Variants in LTBP3 observed in about 807,000 individuals in gnomAD.
LTBP3 encodes the protein latent transforming growth factor beta binding protein 3, also known as latent-transforming growth factor beta-binding protein 3.
Under a neutral mutation model 159.7 loss-of-function variants are expected in LTBP3, and 97 were observed. The ratio of observed to expected loss-of-function variants is 0.61; its 90% CI spans 0.52 to 0.72. The LOEUF is 0.72. LTBP3 is among the 30% of genes least tolerant of loss of function. LTBP3 has a pLI of 0.00. For synonymous variants in LTBP3, 824 were observed against 777.1 expected (o/e 1.06, Z -1.00); for missense variants, 1,584 against 1,864.3 (o/e 0.85, Z 2.77).
Position 65,557,520 on chromosome 11 carries a change from G to A in LTBP3, c.331+109C>T, listed in dbSNP as rs887498199. The A allele has an allele frequency of 4.7e-6, 7 of 1,492,238 alleles. No individual in the cohort carries two copies. The Admixed American group carries it at 1.1e-4, about 23-fold the overall frequency. 92.4% of individuals were successfully genotyped at this position (1,492,238 alleles called of 1,614,324 possible). A position where few individuals can be genotyped will look rare whatever the true frequency, so the allele number is the denominator to read the frequency against. On this transcript the variant is annotated intron_variant, in intron 1 of 27. Transcript: ENST00000301873. ...TGGTCCCCCAGGCCCTCGGATCTCTGCCCTTTATACCCTCAGCCCCCAGTC... is the reference window on the plus strand; with the variant it reads ...TGGTCCCCCAGGCCCTCGGATCTCTACCCTTTATACCCTCAGCCCCCAGTC...
In LTBP3 at chr11:65,554,267, C is replaced by A; in HGVS notation, c.445G>T (p.Gly149Trp). 2 of 1,610,624 alleles carry A rather than the reference C, an allele frequency of 1.2e-6. No homozygotes were observed. Among genetic ancestry groups the A allele is most frequent in the Non-Finnish European group, 1.7e-6 (2 of 1,179,212 alleles). The part of the protein sequence containing the change: ...FCQVPAGGAG[G>W]GTGGSGPGLS... ...CCGGGGCCTGAGCCGCCGGTACCCC[C>A]ACCGGCTCCTCCTGCGGGCACCTGG... Residue 149 changes from glycine (G) to tryptophan (W), a missense_variant, in exon 2 of 28, where the codon GGG (glycine) becomes TGG (tryptophan). Gly to Trp is a radical substitution (Grantham distance 184). Transcript: ENST00000301873. The surrounding 1 kb of genome is among the most constrained non-coding windows in gnomAD (Gnocchi z 5.3).
chr11:65,548,112 G>A, intron 11 of LTBP3, 67 bp from the exon 12 acceptor site: 1 of 1,609,250 alleles, frequency 6.2e-7, no homozygotes, highest in Non-Finnish European at 8.5e-7. Flanking sequence ...CCCCAGGGCA[G>A]ACCTCAACAC....
At position 65,539,044 on chromosome 11, in the gene LTBP3, T is replaced by C; in HGVS notation, c.*36A>G. On this transcript the variant is annotated 3_prime_UTR_variant, in exon 28 of 28. Transcript: ENST00000301873. The stretch of plus-strand genomic sequence containing the variant: ...CGAGCTCGCGGAAATCCCTCAGTGA[T>C]CACCGAGGTCTGGGCCGAGGGCGGC... 2.2e-6 allele frequency: 3 copies of C among 1,340,672 alleles called. No homozygotes were observed. Among genetic ancestry groups the C allele is most frequent in the Admixed American group, 3.8e-5 (1 of 26,082 alleles). The allele number at this position is 1,340,672 out of a possible 1,614,324, so 83.0% of individuals were successfully genotyped here.
chr11:65,553,799 A>T lies in LTBP3; in HGVS notation c.766T>A (p.Ser256Thr). 1.9e-6 allele frequency: 3 copies of T among 1,561,802 alleles called. No homozygotes were observed. Among genetic ancestry groups the T allele is most frequent in the Non-Finnish European group, 2.6e-6 (3 of 1,162,092 alleles). The change falls in exon 3 of 28, where the codon TCC becomes ACC. Residue 256 changes from serine to threonine, a missense_variant. Physicochemically the swap from Ser to Thr is moderately conservative, Grantham distance 58. Around this residue, in one of 6 missense-constraint regions of LTBP3, gnomAD observed 194 missense variants for 198.7 expected, o/e 0.98. Transcript: ENST00000301873. The surrounding 1 kb of genome is among the most constrained non-coding windows in gnomAD (Gnocchi z 6.5). ...TTGGGGTGCGGCAGCAGGTGCTGGG[A>T]GGGGGCTGCGCTCTCGGCGTTCGAG... Reference protein sequence around the residue: ...ESSNAESAAPSQHLLPHPKPS... With the variant: ...ESSNAESAAPTQHLLPHPKPS...
intron 1 of LTBP3, among the ~76,000 whole-genome samples, chr11:65,556,845 C>T (rs879640288): frequency 6.6e-6 from 1 of 152,160 alleles, no homozygotes; most frequent in Non-Finnish European, 1.5e-5. Context: ...TGCTGGGACA[C>T]CTCCCCGAGC....
intron 16 of LTBP3, chr11:65,543,878 T>C (rs1039471853): frequency 2.6e-6 from 1 of 390,464 alleles, no homozygotes; most frequent in African/African-American, 2.1e-5. Context: ...CCTATCCTTG[T>C]TCTTCCCACT....
At position 65,546,508 on chromosome 11, in the gene LTBP3, G is replaced by A. The variant is rs377091192; in HGVS notation, c.2287C>T (p.Pro763Ser). Reference protein sequence around the residue: ...PCSPGWCENLPGSFRCTCAQG... With the variant: ...PCSPGWCENLSGSFRCTCAQG... ...GCACAGGTGCAGCGGAAGGAGCCCG[G>A]GAGGTTCTCGCACCAGCCAGGCGAG... is the stretch of plus-strand genomic sequence containing the variant. The change falls in exon 16 of 28, where the codon CCG becomes TCG. Residue 763 changes from proline (P) to serine (S), a missense_variant. By Grantham distance (74) the Pro-to-Ser change is moderately conservative. Coordinates refer to ENST00000301873, the MANE Select transcript of LTBP3 (RefSeq NM_001130144.3). This position sits in a 1 kb window ranked among gnomAD's most constrained non-coding sequence, Gnocchi z 4.0. The A allele has an allele frequency of 8.7e-6, 14 of 1,600,050 alleles. No homozygotes were observed. The highest frequency in any genetic ancestry group is 1.2e-5 in the Non-Finnish European group (14 of 1,179,160).
chr11:65,542,002 T>C (rs1310311780), intron 18 of LTBP3: 1 of 430,438 alleles, frequency 2.3e-6, no homozygotes, highest in Admixed American at 3.3e-5. Flanking sequence ...GAGCTTCCGA[T>C]ACCTTTAGGT....
Position 65,552,961 on chromosome 11 carries a change from G to T in LTBP3, c.1085C>A (p.Pro362Gln). Residue 362 changes from proline to glutamine, a missense_variant, in exon 6 of 28, where the codon CCG becomes CAG. By Grantham distance (76) the Pro-to-Gln change is moderately conservative. Transcript: ENST00000301873. The surrounding 1 kb of genome is among the most constrained non-coding windows in gnomAD (Gnocchi z 6.0). ...GCAGTCACCATGGCGACACACGCCC[G>T]GCATTGCGCACTCGTTGATGTCTGT... ...HCQDINECAM[P>Q]GVCRHGDCLN... 6.2e-7 allele frequency: 1 copy of T among 1,614,196 alleles called. No homozygotes were observed. Among genetic ancestry groups the T allele is most frequent in the Non-Finnish European group, 8.5e-7 (1 of 1,180,028 alleles).
intron 1 of LTBP3, among the ~76,000 whole-genome samples, chr11:65,555,927 G>T (rs1856794431): frequency 6.6e-6 from 1 of 152,200 alleles, no homozygotes; most frequent in South Asian, 2.1e-4. Flanking sequence ...AGCCCATCCT[G>T]CCTGGCCTCT....
At chr11:65,543,013 GTGGA>G (rs1253496244) in intron 18 of LTBP3, 88 bp downstream of exon 18, 24 of 1,523,354 alleles carry the variant, frequency 1.6e-5, no homozygotes, top group East Asian at 6.8e-5. Context: ...GGTTGGATGG[GTGGA>G]TGGATGGATG....
rs1386205469 is a variant in LTBP3 at position 65,539,212 on chromosome 11, C to T, written c.3780G>A (p.Glu1260=). 2.6e-6 allele frequency: 4 copies of T among 1,526,618 alleles called. No individual in the cohort carries two copies. In the Admixed American group the frequency reaches 8.0e-5, roughly 31 times the overall value. 94.6% of individuals were successfully genotyped at this position (1,526,618 alleles called of 1,614,324 possible). A position where few individuals can be genotyped will look rare whatever the true frequency, so the allele number is the denominator to read the frequency against. Residue 1260 remains glutamate (E), a synonymous_variant, in exon 28 of 28, where the codon GAG becomes GAA. Coordinates refer to ENST00000301873, the MANE Select transcript of LTBP3 (RefSeq NM_001130144.3). ...TGCACAGCAGCCCGCGCTGGTTCAG[C>T]TCTCGGCACTCGTCGATATCTGAAG... ...ARCVDIDECR[E]LNQRGLLCKS...
In LTBP3 at chr11:65,538,623, G is replaced by A. The variant is rs1855861326; in HGVS notation, c.*457C>T. The A allele has an allele frequency of 6.4e-7, 1 of 1,565,716 alleles. No individual in the cohort carries two copies. The highest frequency in any genetic ancestry group is 1.7e-4 in the Middle Eastern group (1 of 5,888). ...AGCCCGCCCCACAGATGTATTTATT[G>A]TACAAACCATGTGAGCCCGGCCGGC... On this transcript the variant is annotated 3_prime_UTR_variant, in exon 28 of 28. Transcript: ENST00000301873.
Position 65,541,191 on chromosome 11 carries a change from C to G in LTBP3, c.2828G>C (p.Cys943Ser), listed in dbSNP as rs1371355164. 1 of 1,613,700 alleles carries G rather than the reference C, an allele frequency of 6.2e-7. No individual in the cohort carries two copies. Among genetic ancestry groups the G allele is most frequent in the Non-Finnish European group, 8.5e-7 (1 of 1,180,024 alleles). Residue 943 changes from cysteine (C) to serine (S), a missense_variant, in exon 20 of 28, where the codon TGC becomes TCC. Physicochemically the swap from Cys to Ser is moderately radical, Grantham distance 112 (BLOSUM62 -1). Transcript: ENST00000301873. ...GCCCCAGCCGGCCCCCAGAGAGCAG[C>G]AGCACTCCTGCTGGGTCACGTTGGT... ...LATNVTQQEC[C>S]CSLGAGWGDH...
chr11:65,558,340 G>GC lies in LTBP3; in HGVS notation c.-382_-381insG, dbSNP rs1437017740. On this transcript the variant is annotated 5_prime_UTR_variant, in exon 1 of 28. Coordinates refer to ENST00000301873, the MANE Select transcript of LTBP3 (RefSeq NM_001130144.3). ...GCCGCGGGGAGGCAGGGAGCGCGCG[G>GC]GGAGGGCTCAGGGAGAAGTGAGCAG... The GC allele has an allele frequency of 6.3e-6, 2 of 319,358 alleles. No individual in the cohort carries two copies. The highest frequency in any genetic ancestry group is 9.7e-6 in the Non-Finnish European group (2 of 205,200). The allele number at this position is 319,358 out of a possible 1,614,324, so 19.8% of individuals were successfully genotyped here.
rs772590438 is a variant in LTBP3 at position 65,557,815 on chromosome 11, G to A, written c.145C>T (p.Arg49Trp). ...GRVEGGPAGERGAGGGGALAR... is the reference protein window; with the variant it reads ...GRVEGGPAGEWGAGGGGALAR... ...AGCGCCCCGCCCCCGCCTGCGCCCC[G>A]CTCGCCGGCCGGCCCCCCCTCGACC... Residue 49 changes from arginine (R) to tryptophan (W), a missense_variant, in exon 1 of 28, where the codon CGG (arginine) becomes TGG (tryptophan). Arg to Trp is a moderately radical substitution (Grantham distance 101). This residue lies in a region of LTBP3 where 79 missense variants were observed against 64.7 expected (regional missense o/e 1.22). Transcript: ENST00000301873. 1.3e-6 allele frequency: 2 copies of A among 1,485,974 alleles called. No homozygotes were observed. The highest frequency in any genetic ancestry group is 1.8e-6 in the Non-Finnish European group (2 of 1,119,644). 92.0% of individuals were successfully genotyped at this position (1,485,974 alleles called of 1,614,324 possible).
rs1486690757 is a variant in LTBP3 at position 65,547,182 on chromosome 11, T to C, written c.2107+257A>G. 1.3e-5 allele frequency among the ~76,000 whole-genome samples: 2 copies of C among 152,140 alleles called. No homozygotes were observed. Among genetic ancestry groups the C allele is most frequent in the Non-Finnish European group, 2.9e-5 (2 of 68,020 alleles). On this transcript the variant is annotated intron_variant, in intron 14 of 27. Coordinates refer to ENST00000301873, the MANE Select transcript of LTBP3 (RefSeq NM_001130144.3). This position sits in a 1 kb window ranked among gnomAD's most constrained non-coding sequence, Gnocchi z 4.6. ...GGCCAACATGGCGAAACCCCGTCTC[T>C]ACTAAAAATACAAAAATTAGGCGTG...
Position 65,552,863 on chromosome 11 carries a change from T to C in LTBP3, c.1183A>G (p.Ile395Val), listed in dbSNP as rs374667397. 1.5e-5 allele frequency: 24 copies of C among 1,614,034 alleles called. No homozygotes were observed. In the African/African-American group the frequency reaches 2.3e-4, roughly 15 times the overall value. Residue 395 changes from isoleucine to valine, a missense_variant, in exon 6 of 28, where the codon ATT (isoleucine) becomes GTT (valine). By Grantham distance (29) the Ile-to-Val change is conservative (BLOSUM62 3). Around this residue, in one of 6 missense-constraint regions of LTBP3, gnomAD observed 156 missense variants for 259.7 expected, o/e 0.60. Coordinates refer to ENST00000301873, the MANE Select transcript of LTBP3 (RefSeq NM_001130144.3). The surrounding 1 kb of genome is among the most constrained non-coding windows in gnomAD (Gnocchi z 6.0). The stretch of plus-strand genomic sequence containing the variant: ...GAACCTGAGCCCCAGGTCTCACCAA[T>C]GCACTGTGTACGGGAGGGGCCTAAA... Reference protein sequence around the residue: ...HSLGPSRTQCIADKPEEKSLC... With the variant: ...HSLGPSRTQCVADKPEEKSLC...
At position 65,540,295 on chromosome 11, in the gene LTBP3, G is replaced by A; in HGVS notation, c.3194C>T (p.Pro1065Leu). The A allele has an allele frequency of 1.3e-6, 2 of 1,561,762 alleles. No homozygotes were observed. Among genetic ancestry groups the A allele is most frequent in the Non-Finnish European group, 1.7e-6 (2 of 1,153,076 alleles). ...RGGYRCACTP[P>L]AEYSPAQRQC... ...GCGCTGCGCGGGACTGTACTCGGCA[G>A]GGGGCGTGCAGGCACAGCGGTAGCC... is the stretch of plus-strand genomic sequence containing the variant. The change falls in exon 23 of 28, where the codon CCT becomes CTT. Residue 1065 changes from proline to leucine, a missense_variant. Pro to Leu is a moderately conservative substitution (Grantham distance 98, BLOSUM62 -3). Coordinates refer to ENST00000301873, the MANE Select transcript of LTBP3 (RefSeq NM_001130144.3).
Sources: gnomAD v4.1 joint callset for allele counts (sites outside exome capture counted in the v4.1 genomes callset) on GRCh38, gnomAD v4.1.1 for gene constraint, gnomAD v4.1.1 regional missense constraint, Gnocchi (gnomAD v3.1) non-coding constraint, MANE v1.5 for transcripts, NCBI Gene and HGNC (gene_info 2026-07-23, HGNC 2026-07-21) for gene names.